The following SNRPE variants were observed in gnomAD, a reference collection of about 807,000 sequenced individuals.
SNRPE encodes the protein small nuclear ribonucleoprotein polypeptide E.
For synonymous variants in SNRPE, 35 were observed against 36.7 expected (o/e 0.95, Z 0.17); for missense variants, 53 against 111.6 (o/e 0.48, Z 2.36).
chr1:203,868,752 C>T (rs941297492), intron 4 of SNRPE, among the ~76,000 whole-genome samples: 1 of 152,156 alleles, frequency 6.6e-6, no homozygotes, highest in East Asian at 1.9e-4. Flanking sequence ...TCACTGCAAC[C>T]TCCACCTCCT....
At chr1:203,867,381 C>T (rs115736630) in intron 4 of SNRPE, among the ~76,000 whole-genome samples, 2,548 of 151,804 alleles carry the variant, frequency 0.017, 71 homozygotes, top group African/African-American at 0.058. Flanking sequence ...GGATGGCTTT[C>T]GGATGATTCA....
At chr1:203,866,803 G>T (rs1374632167) in intron 4 of SNRPE, among the ~76,000 whole-genome samples, 1 of 151,798 alleles carries the variant, frequency 6.6e-6, no homozygotes, top group Non-Finnish European at 1.5e-5. Context: ...TGATCTTCAT[G>T]ATCTAGTCTT....
intron 3 of SNRPE, among the ~76,000 whole-genome samples, 165 bp from the exon 4 acceptor site, chr1:203,864,876 C>CAAA (rs61506397): frequency 0.064 from 7,588 of 117,774 alleles, 389 homozygotes; most frequent in Admixed American, 0.12. Context: ...GATCCTTTCT[C>CAAA]AAAAAAAAAA....
chr1:203,868,830 G>A (rs545914825), intron 4 of SNRPE, among the ~76,000 whole-genome samples: 1 of 151,858 alleles, frequency 6.6e-6, no homozygotes, highest in African/African-American at 2.4e-5. Context: ...CACCACACCT[G>A]GCTAATTTTT....
chr1:203,861,781 A>C, intron 1 of SNRPE, 68 bp downstream of exon 1: 1 of 1,164,236 alleles, frequency 8.6e-7, no homozygotes, highest in Non-Finnish European at 1.3e-6. Context: ...GCGCAGGCTG[A>C]GGGCAGGCCT....
At position 203,861,610 on chromosome 1, in the gene SNRPE, A is replaced by G. The variant is rs1482802418; in HGVS notation, c.-50A>G. On this transcript the variant is annotated 5_prime_UTR_variant, in exon 1 of 5. Transcript: ENST00000414487. ...TTCCGCTTCCGGTTCTTTATTCCGG[A>G]AGTTGCTCTCAGAGGCAGCGTGCGG... 6.9e-7 allele frequency: 1 copy of G among 1,454,758 alleles called. No individual in the cohort carries two copies. The highest frequency in any genetic ancestry group is 9.7e-7 in the Non-Finnish European group (1 of 1,035,000). The allele number at this position is 1,454,758 out of a possible 1,614,324, so 90.1% of individuals were successfully genotyped here. A position where few individuals can be genotyped will look rare whatever the true frequency, so the allele number is the denominator to read the frequency against.
chr1:203,861,788 G>A, intron 1 of SNRPE, 75 bp downstream of exon 1: 2 of 1,095,090 alleles, frequency 1.8e-6, no homozygotes, highest in Admixed American at 1.7e-5. Flanking sequence ...CTGAGGGCAG[G>A]CCTGGGATAG....
chr1:203,864,547 G>T (rs7520079), intron 3 of SNRPE, among the ~76,000 whole-genome samples: 20,176 of 151,960 alleles, frequency 0.13, 1,637 homozygotes, highest in Admixed American at 0.25. Context: ...TCTAGTAGCT[G>T]GGAACTATAG....
At chr1:203,869,805 G>A in intron 4 of SNRPE, 72 bp from the exon 5 acceptor site, 1 of 1,034,430 alleles carries the variant, frequency 9.7e-7, no homozygotes, top group Non-Finnish European at 1.5e-6. Context: ...TCAAAAACTG[G>A]ATACAAAATT....
chr1:203,864,892 A>AT (rs1355868436), intron 3 of SNRPE, 149 bp from the exon 4 acceptor site: 5 of 462,270 alleles, frequency 1.1e-5, no homozygotes, highest in Admixed American at 1.2e-4. Context: ...AAAAAAAAAA[A>AT]AAAAAAAAAC....
intron 2 of SNRPE, 54 bp from the exon 3 acceptor site, chr1:203,863,609 G>T: frequency 7.5e-7 from 1 of 1,331,074 alleles, no homozygotes. Context: ...GTGAGCCACC[G>T]CGCCCGGCCC....
intron 3 of SNRPE, among the ~76,000 whole-genome samples, chr1:203,864,571 G>T (rs7520085): frequency 0.76 from 115,151 of 152,006 alleles, 43,716 homozygotes; most frequent in East Asian, 0.8. Context: ...TACACCACCA[G>T]GTCCAGCTAA....
intron 4 of SNRPE, among the ~76,000 whole-genome samples, chr1:203,865,677 T>C: frequency 6.6e-6 from 1 of 152,160 alleles, no homozygotes; most frequent in Non-Finnish European, 1.5e-5. Context: ...AAGATTGCCT[T>C]CCATGCCCCT....
chr1:203,869,368 G>A (rs1690167827), intron 4 of SNRPE, among the ~76,000 whole-genome samples: 1 of 120,022 alleles, frequency 8.3e-6, no homozygotes, highest in South Asian at 3.0e-4. Context: ...GTGCAATGGT[G>A]CCATCTTGGC....
Position 203,861,683 on chromosome 1 carries a change from G to A in SNRPE, c.24G>A (p.Gln8=). The A allele has an allele frequency of 6.2e-7, 1 of 1,613,588 alleles. No individual in the cohort carries two copies. The highest frequency in any genetic ancestry group is 8.5e-7 in the Non-Finnish European group (1 of 1,179,450). The change falls in exon 1 of 5, where the codon CAG becomes CAA. Residue 8 remains glutamine, a synonymous_variant. Transcript: ENST00000414487. ...CCATGGCGTACCGTGGCCAGGGTCA[G>A]AAAGTGCAGAAGGTTATGGTGCAGC... MAYRGQG[Q]KVQKVMVQPI... is the part of the protein sequence containing the mutation.
intron 2 of SNRPE, among the ~76,000 whole-genome samples, chr1:203,862,596 C>T (rs1468156343): frequency 6.6e-6 from 1 of 152,112 alleles, no homozygotes; most frequent in Non-Finnish European, 1.5e-5. Flanking sequence ...AAAACCCAGC[C>T]AACTTAAACC....
chr1:203,867,184 G>A (rs918559610), intron 4 of SNRPE, among the ~76,000 whole-genome samples: 2 of 151,338 alleles, frequency 1.3e-5, no homozygotes, highest in Middle Eastern at 3.2e-3. Context: ...GGAGGCTGAG[G>A]CAGGAGAATG....
intron 4 of SNRPE, among the ~76,000 whole-genome samples, chr1:203,867,579 C>T (rs1201335675): frequency 1.3e-5 from 2 of 152,094 alleles, no homozygotes; most frequent in African/African-American, 2.4e-5. Context: ...ATAAGGAGTG[C>T]GCAACCTAGA....
intron 3 of SNRPE, among the ~76,000 whole-genome samples, chr1:203,864,346 G>A (rs1051746091): frequency 6.6e-6 from 1 of 152,104 alleles, no homozygotes; most frequent in African/African-American, 2.4e-5. Context: ...ATTAGGGAGG[G>A]TGGGGTTATT....
Sources: gnomAD v4.1 joint callset for allele counts (sites outside exome capture counted in the v4.1 genomes callset) on GRCh38, gnomAD v4.1.1 for gene constraint, MANE v1.5 for transcripts, NCBI Gene and HGNC (gene_info 2026-07-23, HGNC 2026-07-21) for gene names.